The following ALKBH1 variants were observed in gnomAD, a reference collection of about 807,000 sequenced individuals.
ALKBH1 encodes alkB homolog 1, histone H2A dioxygenase, also known as nucleic acid dioxygenase ALKBH1.
A neutral mutation model predicts 36.6 loss-of-function variants in ALKBH1; 31 were observed. The ratio of observed to expected loss-of-function variants is 0.85; its 90% CI spans 0.64 to 1.14. The LOEUF is 1.14. Ranked by LOEUF, ALKBH1 falls within the 50% of genes most tolerant of loss-of-function variation. ALKBH1 has a pLI of 0.00. For missense variants in ALKBH1, 490 were observed against 497.3 expected (o/e 0.99, Z 0.14); for synonymous variants, 183 against 186.6 (o/e 0.98, Z 0.16).
intron 3 of ALKBH1, chr14:77,683,322 C>G (rs1448875559): frequency 5.4e-6 from 4 of 739,968 alleles, no homozygotes; most frequent in Admixed American, 1.8e-5. Flanking sequence ...AGGTACCTTT[C>G]TCTTTGGGTT....
chr14:77,697,385 A>G lies in ALKBH1; in HGVS notation c.293-2485T>C, dbSNP rs562798307. ...ACCTCAGCTGGAGCAATGACGGGCA[A>G]TGGAGCTGCACATGCTCGCAGTCCC... On this transcript the variant is annotated intron_variant, in intron 2 of 5. Coordinates refer to ENST00000216489, the MANE Select transcript of ALKBH1 (RefSeq NM_006020.3). 4.9e-5 allele frequency: 8 copies of G among 163,774 alleles called. No homozygotes were observed. The South Asian group carries it at 1.4e-3, about 29-fold the overall frequency. The allele number at this position is 163,774 out of a possible 1,614,324, so 10.1% of individuals were successfully genotyped here.
Position 77,708,011 on chromosome 14 carries a change from GCCTATA to G in ALKBH1, c.-13_-8del, listed in dbSNP as rs1166805800. 9 of 1,609,538 alleles carry G rather than the reference GCCTATA, an allele frequency of 5.6e-6. No homozygotes were observed. The highest frequency in any genetic ancestry group is 7.6e-6 in the Non-Finnish European group (9 of 1,177,238). Reference sequence around the variant, plus strand: ...CCGCTGCCATCTTCCCCATCTCGCGGCCTATACCCTCTGATCCGGAAGCAGATTCTC... The same window carrying G: ...CCGCTGCCATCTTCCCCATCTCGCGGCCCTCTGATCCGGAAGCAGATTCTC... On this transcript the variant is annotated 5_prime_UTR_variant, in exon 1 of 6. Coordinates refer to ENST00000216489, the MANE Select transcript of ALKBH1 (RefSeq NM_006020.3).
At chr14:77,681,045 G>A (rs1430636558) in intron 3 of ALKBH1, among the ~76,000 whole-genome samples, 1 of 151,894 alleles carries the variant, frequency 6.6e-6, no homozygotes, top group African/African-American at 2.4e-5. Context: ...ATATGAGAAT[G>A]GTAGGTCTAA....
rs1415717932 is a variant in ALKBH1, at chr14:77,680,039, C to G, written c.456-69G>C. The G allele has an allele frequency of 8.9e-6, 11 of 1,240,060 alleles. No homozygotes were observed. The East Asian group carries it at 2.6e-4, about 29-fold the overall frequency. The allele number at this position is 1,240,060 out of a possible 1,614,324, so 76.8% of individuals were successfully genotyped here. A position where few individuals can be genotyped will look rare whatever the true frequency, so the allele number is the denominator to read the frequency against. On this transcript the variant is annotated intron_variant, in intron 3 of 5. Coordinates refer to ENST00000216489, the MANE Select transcript of ALKBH1 (RefSeq NM_006020.3). ...GCAGCAATAGCCGTTTGTATGGACT[C>G]TGGAGTTAAAATTTAGTATTACATG...
At chr14:77,674,539 T>C (rs1221070445) in intron 5 of ALKBH1, among the ~76,000 whole-genome samples, 1 of 135,750 alleles carries the variant, frequency 7.4e-6, no homozygotes, top group Admixed American at 8.1e-5. Flanking sequence ...TCCATTTAAG[T>C]TTTATTGATG....
rs2080228000 is a variant in ALKBH1 at position 77,679,968 on chromosome 14, T to C, written c.458A>G (p.Tyr153Cys). ...LWEQSKEFLR[Y>C]KEATKRRPRS... ...GGGTCTCCGTTTAGTCGCTTCTTTATACCTGCAAAGATTGGTGACAAAAGA... is the reference window on the plus strand; with the variant it reads ...GGGTCTCCGTTTAGTCGCTTCTTTACACCTGCAAAGATTGGTGACAAAAGA... The change falls in exon 4 of 6, where the codon TAT becomes TGT. Residue 153 changes from tyrosine (Y) to cysteine (C), a missense_variant and splice_region_variant. By Grantham distance (194) the Tyr-to-Cys change is radical (BLOSUM62 -2). Transcript: ENST00000216489. 6.2e-6 allele frequency: 10 copies of C among 1,613,028 alleles called. No homozygotes were observed. The highest frequency in any genetic ancestry group is 8.5e-6 in the Non-Finnish European group (10 of 1,178,976).
In ALKBH1 at chr14:77,677,956, A is replaced by G. The variant is rs1249993977; in HGVS notation, c.546+1924T>C. 3.3e-5 allele frequency among the ~76,000 whole-genome samples: 5 copies of G among 151,946 alleles called. No homozygotes were observed. The South Asian group carries it at 6.2e-4, about 19-fold the overall frequency. ...TGCATTACTCACTACTTTTTCTTTT[A>G]AAGTTCTCTTTCACTTTTCTCTGAC... On this transcript the variant is annotated intron_variant, in intron 4 of 5. Transcript: ENST00000216489.
At chr14:77,692,337 A>G (rs1251817999) in intron 3 of ALKBH1, among the ~76,000 whole-genome samples, 1 of 149,190 alleles carries the variant, frequency 6.7e-6, no homozygotes, top group African/African-American at 2.5e-5. Flanking sequence ...GTGGTTCCCA[A>G]CCTTTTTGGC....
At chr14:77,676,162 A>AT (rs67783226) in intron 4 of ALKBH1, among the ~76,000 whole-genome samples, 38 of 144,556 alleles carry the variant, frequency 2.6e-4, no homozygotes, top group African/African-American at 6.9e-4. Context: ...TGCCTGGCTA[A>AT]TTTTTTTTTT....
At chr14:77,674,614 G>GCGA (rs2080195239) in intron 5 of ALKBH1, among the ~76,000 whole-genome samples, 1 of 152,018 alleles carries the variant, frequency 6.6e-6, no homozygotes, top group Non-Finnish European at 1.5e-5. Context: ...GTGCAGCGGC[G>GCGA]CGATCTCGGC....
At chr14:77,700,675 A>AT (rs2139864483) in intron 2 of ALKBH1, among the ~76,000 whole-genome samples, 1 of 152,292 alleles carries the variant, frequency 6.6e-6, no homozygotes, top group Non-Finnish European at 1.5e-5. Flanking sequence ...ATTCCCAAAC[A>AT]TATTAGACTA....
At chr14:77,690,756 T>C (rs1003116691) in intron 3 of ALKBH1, among the ~76,000 whole-genome samples, 9 of 152,234 alleles carry the variant, frequency 5.9e-5, no homozygotes, top group Admixed American at 3.9e-4. Context: ...GTTTTGCATT[T>C]TTTTTTTCTG....
chr14:77,691,566 C>A (rs750359496), intron 3 of ALKBH1, among the ~76,000 whole-genome samples: 60 of 152,276 alleles, frequency 3.9e-4, no homozygotes, highest in Non-Finnish European at 7.8e-4. Context: ...AACTGAAGCA[C>A]GTATCACATA....
chr14:77,673,172 T>C lies in ALKBH1; in HGVS notation c.*640A>G, dbSNP rs1004878868. On this transcript the variant is annotated 3_prime_UTR_variant, in exon 6 of 6. Transcript: ENST00000216489. Reference sequence around the variant, plus strand: ...GGAGTTTGGAGACCGAAATGACATGTAGAGAAACTAAATTCCCCTTTCCTT... The same window carrying C: ...GGAGTTTGGAGACCGAAATGACATGCAGAGAAACTAAATTCCCCTTTCCTT... The C allele has an allele frequency of 6.6e-6, 1 of 152,256 alleles. No homozygotes were observed. Among genetic ancestry groups the C allele is most frequent in the Non-Finnish European group, 1.5e-5 (1 of 68,072 alleles). 9.4% of individuals were successfully genotyped at this position (152,256 alleles called of 1,614,324 possible).
chr14:77,672,770 TAGTC>T lies in ALKBH1; in HGVS notation c.*1038_*1041del, dbSNP rs1327722637. 4 of 152,184 alleles carry T rather than the reference TAGTC, an allele frequency of 2.6e-5. No homozygotes were observed. The highest frequency in any genetic ancestry group is 6.5e-5 in the Admixed American group (1 of 15,270). 9.4% of individuals were successfully genotyped at this position (152,184 alleles called of 1,614,324 possible). A position where few individuals can be genotyped will look rare whatever the true frequency, so the allele number is the denominator to read the frequency against. On this transcript the variant is annotated 3_prime_UTR_variant, in exon 6 of 6. Coordinates refer to ENST00000216489, the MANE Select transcript of ALKBH1 (RefSeq NM_006020.3). ...ATGTAAAGTAACCTGGACCATGATA[TAGTC>T]AGTCAAATTGTTGGGGGTATAAAGA... is the stretch of plus-strand genomic sequence containing the variant.
chr14:77,681,478 C>A (rs1392982623), intron 3 of ALKBH1, among the ~76,000 whole-genome samples: 1 of 152,150 alleles, frequency 6.6e-6, no homozygotes, highest in African/African-American at 2.4e-5. Context: ...TGATGTTTGA[C>A]GAAGAGTTTA....
intron 3 of ALKBH1, among the ~76,000 whole-genome samples, chr14:77,689,419 T>C (rs552780940): frequency 5.3e-5 from 8 of 152,338 alleles, no homozygotes; most frequent in Admixed American, 5.2e-4. Context: ...GACACAAATG[T>C]ACATTATTTA....
chr14:77,683,034 T>C (rs934502592), intron 3 of ALKBH1, among the ~76,000 whole-genome samples: 10 of 152,076 alleles, frequency 6.6e-5, no homozygotes, highest in Non-Finnish European at 1.0e-4. Context: ...AAGAAAAATA[T>C]AGAGATGTAG....
At chr14:77,705,650 G>A (rs2080385254) in intron 1 of ALKBH1, among the ~76,000 whole-genome samples, 1 of 152,172 alleles carries the variant, frequency 6.6e-6, no homozygotes, top group Non-Finnish European at 1.5e-5. Context: ...TCTAATGGAT[G>A]GCTCATTACA....
Sources: allele counts gnomAD v4.1 joint callset (sites outside exome capture counted in the v4.1 genomes callset), GRCh38; gene constraint gnomAD v4.1.1; transcripts MANE v1.5; gene names NCBI Gene and HGNC (gene_info 2026-07-23, HGNC 2026-07-21).